The following MND1 variants were observed in gnomAD, a reference collection of about 807,000 sequenced individuals.
The protein encoded by MND1 is meiotic nuclear division protein 1 homolog.
In MND1, 28 loss-of-function variants were observed where a neutral mutation model predicts 35.1. The ratio of observed to expected loss-of-function variants is 0.80; its 90% CI spans 0.59 to 1.09. The LOEUF is 1.09. MND1 is among the 50% of genes least tolerant of loss of function. MND1 has a pLI of 0.00. For missense variants in MND1, 213 were observed against 239.6 expected (o/e 0.89, Z 0.73); for synonymous variants, 69 against 70.5 (o/e 0.98, Z 0.11).
chr4:153,368,050 C>G (rs928109920), intron 4 of MND1, among the ~76,000 whole-genome samples: 2 of 152,092 alleles, frequency 1.3e-5, no homozygotes, highest in Non-Finnish European at 2.9e-5. Flanking sequence ...ATTTTTCTTT[C>G]CTGCTAGGAA....
intron 3 of MND1, 115 bp downstream of exon 3, chr4:153,355,826 C>T: frequency 1.5e-6 from 1 of 689,076 alleles, no homozygotes; most frequent in East Asian, 2.7e-5. Context: ...TTATGGAAAA[C>T]CTAAATTTCT....
intron 4 of MND1, among the ~76,000 whole-genome samples, chr4:153,369,272 G>GT (rs1253812510): frequency 6.6e-6 from 1 of 152,176 alleles, no homozygotes; most frequent in East Asian, 1.9e-4. Flanking sequence ...AGAAGCAGTA[G>GT]TTTTTTTGTA....
At chr4:153,379,289 C>CAAAAAA (rs35306831) in intron 4 of MND1, among the ~76,000 whole-genome samples, 1 of 74,892 alleles carries the variant, frequency 1.3e-5, no homozygotes, top group Admixed American at 1.4e-4. Context: ...GACTCTGTCT[C>CAAAAAA]AAAAAAAAAA....
chr4:153,358,757 ATC>A, intron 4 of MND1, 135 bp downstream of exon 4: 9 of 777,492 alleles, frequency 1.2e-5, no homozygotes, highest in Non-Finnish European at 1.5e-5. Context: ...GATAATTAAC[ATC>A]TGTTTCTCCT....
chr4:153,412,514 G>T (rs976315270), intron 7 of MND1, among the ~76,000 whole-genome samples: 4 of 139,966 alleles, frequency 2.9e-5, no homozygotes, highest in South Asian at 4.5e-4. Context: ...ATGGAGTCTT[G>T]ATGTGTCGCC....
chr4:153,390,919 A>ATATG (rs1554012261), intron 4 of MND1, among the ~76,000 whole-genome samples: 6 of 124,760 alleles, frequency 4.8e-5, no homozygotes, highest in African/African-American at 1.2e-4. Flanking sequence ...GTGTGTGTAT[A>ATATG]TGTGTGTGTG....
intron 4 of MND1, among the ~76,000 whole-genome samples, chr4:153,390,544 T>C (rs1728990570): frequency 6.6e-6 from 1 of 152,102 alleles, no homozygotes; most frequent in South Asian, 2.1e-4. Context: ...TCTTAATTAA[T>C]ATAGTTAAGG....
intron 4 of MND1, among the ~76,000 whole-genome samples, chr4:153,389,387 G>A (rs1306728965): frequency 6.6e-6 from 1 of 152,048 alleles, no homozygotes; most frequent in African/African-American, 2.4e-5. Flanking sequence ...TTTAGATGAA[G>A]TCTTGCTTTT....
chr4:153,379,340 AC>A (rs926737236), intron 4 of MND1, among the ~76,000 whole-genome samples: 6 of 151,284 alleles, frequency 4.0e-5, no homozygotes, highest in African/African-American at 1.5e-4. Context: ...AAAAAAAGAA[AC>A]CACAAAAGCT....
chr4:153,374,172 A>ATCTTACTATTAG (rs1367102505), intron 4 of MND1, among the ~76,000 whole-genome samples: 1 of 152,214 alleles, frequency 6.6e-6, no homozygotes, highest in African/African-American at 2.4e-5. Flanking sequence ...TACTTTAGGC[A>ATCTTACTATTAG]GTCAGTATAT....
rs60374299 is a variant in MND1, at chr4:153,400,414, A to T, written c.466+3081A>T. 5.0e-3 allele frequency among the ~76,000 whole-genome samples: 764 copies of T among 152,198 alleles called. 5 individuals are homozygous for T. Among genetic ancestry groups the T allele is most frequent in the African/African-American group, 0.017 (722 of 41,546 alleles). On this transcript the variant is annotated intron_variant, in intron 6 of 7. Coordinates refer to ENST00000240488, the MANE Select transcript of MND1 (RefSeq NM_032117.4). ...AAAGATTATCATCTTTTTTGCAGGC[A>T]CAGTGGCTCATGCCTGTAATCCCAG... is the stretch of plus-strand genomic sequence containing the variant.
intron 4 of MND1, chr4:153,381,708 T>A (rs866615321): frequency 6.8e-4 from 46 of 67,572 alleles, no homozygotes; most frequent in African/African-American, 2.2e-3. Flanking sequence ...TTTTTTTTTT[T>A]TTTTTTTTTT....
chr4:153,393,919 G>GTTTTTTTTTTTTT (rs1360869360), intron 4 of MND1, among the ~76,000 whole-genome samples: 1 of 55,572 alleles, frequency 1.8e-5, no homozygotes, highest in Non-Finnish European at 3.6e-5. Context: ...GTTTGACTTT[G>GTTTTTTTTTTTTT]TTTTCTTTTT....
chr4:153,397,662 A>AC (rs1729236085), intron 6 of MND1, among the ~76,000 whole-genome samples: 1 of 151,882 alleles, frequency 6.6e-6, no homozygotes, highest in South Asian at 2.1e-4. Context: ...ACAAAAAAAA[A>AC]ACACAAAATT....
intron 4 of MND1, among the ~76,000 whole-genome samples, chr4:153,383,969 A>C (rs1728778687): frequency 1.3e-5 from 2 of 152,196 alleles, no homozygotes; most frequent in South Asian, 4.1e-4. Flanking sequence ...CTCAGGTCTA[A>C]ACAGTCTGTA....
intron 1 of MND1, chr4:153,345,525 G>A (rs1773054088): frequency 4.1e-6 from 4 of 985,332 alleles, no homozygotes; most frequent in South Asian, 4.7e-5. Context: ...GGCTTTGTGA[G>A]CTTAACGTCT....
intron 2 of MND1, among the ~76,000 whole-genome samples, chr4:153,353,924 T>C (rs1773280692): frequency 6.6e-6 from 1 of 152,216 alleles, no homozygotes; most frequent in Non-Finnish European, 1.5e-5. Flanking sequence ...TTTGCCATGT[T>C]GGCCATGCTG....
At chr4:153,406,190 G>A (rs184726634) in intron 6 of MND1, among the ~76,000 whole-genome samples, 2 of 152,160 alleles carry the variant, frequency 1.3e-5, no homozygotes, top group South Asian at 2.1e-4. Context: ...TAGTTAAATG[G>A]ACTTCATCAA....
At chr4:153,364,422 T>G (rs1009889139) in intron 4 of MND1, among the ~76,000 whole-genome samples, 1 of 150,976 alleles carries the variant, frequency 6.6e-6, no homozygotes, top group African/African-American at 2.4e-5. Context: ...GAGGCTGAGG[T>G]GGGAGGATCG....
Sources: allele counts gnomAD v4.1 joint callset (sites outside exome capture counted in the v4.1 genomes callset), GRCh38; gene constraint gnomAD v4.1.1; transcripts MANE v1.5; gene names NCBI Gene and HGNC (gene_info 2026-07-23, HGNC 2026-07-21).